Variants in GABRG2 observed in about 807,000 individuals in gnomAD.
The protein encoded by GABRG2 is gamma-aminobutyric acid receptor subunit gamma-2.
A neutral mutation model predicts 56.4 loss-of-function variants in GABRG2; 16 were observed. The observed-to-expected ratio is 0.28, with a 90% confidence interval of 0.19 to 0.43. GABRG2 has a LOEUF of 0.43. Among genes scored for constraint, GABRG2 ranks in the 20% least tolerant of loss-of-function variants. GABRG2 has a pLI of 1.00. For synonymous variants in GABRG2, 208 were observed against 205.5 expected (o/e 1.01, Z -0.10); for missense variants, 327 against 582.7 (o/e 0.56, Z 4.52).
chr5:162,103,610 C>A, intron 5 of GABRG2: 2 of 436,756 alleles, frequency 4.6e-6, no homozygotes, highest in Non-Finnish European at 8.5e-6. Flanking sequence ...GTAAAGTATG[C>A]ATATGGCATA....
chr5:162,108,836 T>C (rs1762021163), intron 6 of GABRG2, among the ~76,000 whole-genome samples: 1 of 152,132 alleles, frequency 6.6e-6, no homozygotes, highest in Non-Finnish European at 1.5e-5. Context: ...TCCAAGAGCA[T>C]TTTCACCCAC....
chr5:162,097,707 A>G lies in GABRG2; in HGVS notation c.397A>G (p.Lys133Glu). ...ACGTTTGAAATTTAACAGCACCATT[A>G]AAGTCCTCCGATTGAACAGCAACAT... ...DRRLKFNSTI[K>E]VLRLNSNMVG... is the part of the protein sequence containing the mutation. The change falls in exon 4 of 10, where the codon AAA (lysine) becomes GAA (glutamate). Residue 133 changes from lysine to glutamate, a missense_variant. This residue lies in a region of GABRG2 where 104 missense variants were observed against 209.3 expected (regional missense o/e 0.50). Transcript: ENST00000639213. 1 of 1,613,886 alleles carries G rather than the reference A, an allele frequency of 6.2e-7. No homozygotes were observed. The highest frequency in any genetic ancestry group is 8.5e-7 in the Non-Finnish European group (1 of 1,179,862).
intron 9 of GABRG2, chr5:162,152,528 G>T: frequency 2.5e-6 from 1 of 393,172 alleles, no homozygotes; most frequent in Non-Finnish European, 5.0e-6. Flanking sequence ...GTGAATATTA[G>T]AAAAAGAATC....
chr5:162,118,627 G>T (rs1382821734), intron 6 of GABRG2, among the ~76,000 whole-genome samples: 1 of 151,696 alleles, frequency 6.6e-6, no homozygotes, highest in Non-Finnish European at 1.5e-5. Context: ...CTATATCTGT[G>T]CCAGTAAGCA....
At position 162,102,627 on chromosome 5, in the gene GABRG2, C is replaced by A. The variant is rs114972096; in HGVS notation, c.632-1262C>A. On this transcript the variant is annotated intron_variant, in intron 5 of 9. Coordinates refer to ENST00000639213, the MANE Select transcript of GABRG2 (RefSeq NM_198904.4). ...CTCACTACAGCCTTCGCTTCTGGGG[C>A]TCAACTGATCCTCCCACCTTGGCCT... The A allele has an allele frequency of 2.2e-3, 980 of 453,478 alleles. 6 individuals carry two copies. The highest frequency in any genetic ancestry group is 0.017 in the African/African-American group (837 of 50,026). The allele number at this position is 453,478 out of a possible 1,614,324, so 28.1% of individuals were successfully genotyped here. A position where few individuals can be genotyped will look rare whatever the true frequency, so the allele number is the denominator to read the frequency against.
Position 162,078,369 on chromosome 5 carries a change from CTATATATATATA to C in GABRG2, c.107+10281_107+10292del, listed in dbSNP as rs774147866. Among the ~76,000 whole-genome samples, 145 of 53,858 alleles carry C rather than the reference CTATATATATATA, an allele frequency of 2.7e-3. 2 individuals carry two copies. Among genetic ancestry groups the C allele is most frequent in the South Asian group, 8.6e-3 (6 of 694 alleles). The allele number at this position is 53,858 out of a possible 152,430, so 35.3% of individuals were successfully genotyped here. ...CAGGCATTACTTTCAGAGCATCTTA[CTATATATATATA>C]TATATATATATATATATTTTTTTTT... On this transcript the variant is annotated intron_variant, in intron 1 of 9. Coordinates refer to ENST00000639213, the MANE Select transcript of GABRG2 (RefSeq NM_198904.4).
At chr5:162,143,201 T>A (rs537060820) in intron 7 of GABRG2, among the ~76,000 whole-genome samples, 22 of 152,176 alleles carry the variant, frequency 1.4e-4, no homozygotes, top group Non-Finnish European at 2.5e-4. Flanking sequence ...GGGCCTTCTT[T>A]TTTCTAGAGT....
Position 162,102,363 on chromosome 5 carries a change from C to T in GABRG2, c.631+1046C>T, listed in dbSNP as rs211036. The T allele has an allele frequency of 0.48, 183,370 of 385,292 alleles. 46,833 individuals carry two copies. Among genetic ancestry groups the T allele is most frequent in the Non-Finnish European group, 0.57 (108,181 of 190,246 alleles). The allele number at this position is 385,292 out of a possible 1,614,324, so 23.9% of individuals were successfully genotyped here. On this transcript the variant is annotated intron_variant, in intron 5 of 9. Coordinates refer to ENST00000639213, the MANE Select transcript of GABRG2 (RefSeq NM_198904.4). Reference sequence around the variant, plus strand: ...TCCAATTGGGACTACTTCTTTCTTGCGTCAGCTAAAATTCAAGAACTGTTG... The same window carrying T: ...TCCAATTGGGACTACTTCTTTCTTGTGTCAGCTAAAATTCAAGAACTGTTG...
At chr5:162,125,622 G>T (rs193090502) in intron 6 of GABRG2, among the ~76,000 whole-genome samples, 50 of 151,868 alleles carry the variant, frequency 3.3e-4, no homozygotes, top group African/African-American at 1.1e-3. Flanking sequence ...CCAAAGAACA[G>T]CAAGAAGTTC....
intron 7 of GABRG2, among the ~76,000 whole-genome samples, chr5:162,144,070 C>G (rs1764776776): frequency 6.6e-6 from 1 of 152,076 alleles, no homozygotes; most frequent in African/African-American, 2.4e-5. Flanking sequence ...TGAAACAAAC[C>G]CCAAATATGT....
At chr5:162,141,530 A>C (rs182077369) in intron 6 of GABRG2, among the ~76,000 whole-genome samples, 1 of 152,304 alleles carries the variant, frequency 6.6e-6, no homozygotes, top group Admixed American at 6.5e-5. Context: ...CTGTTTGTAG[A>C]CTCATGCAGA....
At chr5:162,081,874 T>C (rs1370737810) in intron 1 of GABRG2, among the ~76,000 whole-genome samples, 1 of 151,962 alleles carries the variant, frequency 6.6e-6, no homozygotes, top group Non-Finnish European at 1.5e-5. Flanking sequence ...AGGTTAAACA[T>C]ACACCTAACA....
In GABRG2 at chr5:162,154,829, A is replaced by G. The variant is rs1176385684; in HGVS notation, c.*1461A>G. ...ATTGAAGATTAGCTTTTAAAAACTG[A>G]AAAAAAAAAATGAATGACTCACATA... On this transcript the variant is annotated 3_prime_UTR_variant, in exon 10 of 10. Transcript: ENST00000639213. 1.4e-5 allele frequency: 2 copies of G among 146,596 alleles called. No homozygotes were observed. The highest frequency in any genetic ancestry group is 2.0e-4 in the East Asian group (1 of 5,048). 9.1% of individuals were successfully genotyped at this position (146,596 alleles called of 1,614,324 possible).
intron 1 of GABRG2, among the ~76,000 whole-genome samples, chr5:162,072,691 A>T (rs1050189578): frequency 6.6e-6 from 1 of 152,008 alleles, no homozygotes; most frequent in African/African-American, 2.4e-5. Flanking sequence ...ATCAAATAAT[A>T]CACACAAACA....
intron 1 of GABRG2, among the ~76,000 whole-genome samples, chr5:162,088,873 G>C (rs552991340): frequency 1.2e-3 from 187 of 152,160 alleles, no homozygotes; most frequent in African/African-American, 3.9e-3. Flanking sequence ...GTTATACCTA[G>C]AACATAGCGA....
chr5:162,077,073 CTGTGTGTGTGTGTGTG>C (rs55938019), intron 1 of GABRG2, among the ~76,000 whole-genome samples: 3 of 146,738 alleles, frequency 2.0e-5, no homozygotes, highest in Non-Finnish European at 3.0e-5. Flanking sequence ...ACAACTACCC[CTGTGTGTGTGTGTGTG>C]TGTGTGTGTG....
chr5:162,091,976 A>G (rs1561641173), intron 1 of GABRG2, among the ~76,000 whole-genome samples: 1 of 152,072 alleles, frequency 6.6e-6, no homozygotes, highest in African/African-American at 2.4e-5. Context: ...AAACCGTAAT[A>G]TATTCTATTA....
chr5:162,082,138 C>T (rs1664732355), intron 1 of GABRG2, among the ~76,000 whole-genome samples: 1 of 151,598 alleles, frequency 6.6e-6, no homozygotes, highest in South Asian at 2.1e-4. Flanking sequence ...TGATTATGTA[C>T]CCAATGGATA....
chr5:162,131,652 A>T (rs1038662079), intron 6 of GABRG2, among the ~76,000 whole-genome samples: 39 of 152,016 alleles, frequency 2.6e-4, no homozygotes, highest in Non-Finnish European at 4.0e-4. Context: ...ATTTATAAAG[A>T]CTAAACTTAT....
Sources: gnomAD v4.1 joint callset for allele counts (sites outside exome capture counted in the v4.1 genomes callset) on GRCh38, gnomAD v4.1.1 for gene constraint, gnomAD v4.1.1 regional missense constraint, MANE v1.5 for transcripts, NCBI Gene and HGNC (gene_info 2026-07-23, HGNC 2026-07-21) for gene names.